ATP8B4: variants seen among roughly 807,000 people sequenced by gnomAD.
The protein encoded by ATP8B4 is ATPase phospholipid transporting 8B4 (putative).
Under a neutral mutation model 145.6 loss-of-function variants are expected in ATP8B4, and 133 were observed. That is an observed-to-expected ratio of 0.91 (90% CI 0.79 to 1.05). The LOEUF (loss-of-function observed/expected upper bound fraction) is 1.05, where lower values mean the gene tolerates loss of function less well. Ranked by LOEUF, ATP8B4 falls within the 50% of genes least tolerant of loss-of-function variation. The pLI, the probability that ATP8B4 is intolerant of heterozygous loss-of-function variation, is 0.00. For synonymous variants in ATP8B4, 507 were observed against 492.9 expected (o/e 1.03, Z -0.38); for missense variants, 1,458 against 1,425.2 (o/e 1.02, Z -0.37).
intron 1 of ATP8B4, among the ~76,000 whole-genome samples, chr15:50,155,693 A>G (rs2044401701): frequency 6.6e-6 from 1 of 152,150 alleles, no homozygotes. Context: ...AACGTAATGT[A>G]TGTACATATG....
chr15:50,080,725 G>A (rs1228650341), intron 2 of ATP8B4, among the ~76,000 whole-genome samples: 4 of 152,006 alleles, frequency 2.6e-5, no homozygotes, highest in African/African-American at 7.3e-5. Flanking sequence ...GAACCACCAT[G>A]TCTGGCCCCC....
At chr15:50,045,606 T>TA (rs1361614133) in intron 4 of ATP8B4, among the ~76,000 whole-genome samples, 3 of 152,222 alleles carry the variant, frequency 2.0e-5, no homozygotes, top group Non-Finnish European at 4.4e-5. Flanking sequence ...TAAGATTTTT[T>TA]AAAAAAAACT....
At position 50,038,818 on chromosome 15, in the gene ATP8B4, C is replaced by T; in HGVS notation, c.312G>A (p.Lys104=). ...GCCGATTATTCACTTGATTATCACT[C>T]TTGTGGCGAAACTGAAAAATCAAAG... The part of the protein sequence containing the change: ...KDATDDYFRH[K]SDNQVNNRQS... Residue 104 remains lysine, a synonymous_variant, in exon 6 of 28, where the codon AAG becomes AAA. Transcript: ENST00000284509. 6.2e-7 allele frequency: 1 copy of T among 1,613,566 alleles called. No homozygotes were observed.
chr15:50,100,333 T>C (rs2056275368), intron 2 of ATP8B4, among the ~76,000 whole-genome samples: 4 of 152,244 alleles, frequency 2.6e-5, no homozygotes, highest in Admixed American at 2.6e-4. Context: ...TGTGCCCCTC[T>C]GGCAAAGATA....
At chr15:49,900,096 C>T (rs755229430) in intron 21 of ATP8B4, among the ~76,000 whole-genome samples, 1 of 152,122 alleles carries the variant, frequency 6.6e-6, no homozygotes, top group African/African-American at 2.4e-5. Flanking sequence ...AGATGACAGT[C>T]GTAATTTTCA....
chr15:50,078,380 A>C (rs997690168), intron 2 of ATP8B4, among the ~76,000 whole-genome samples: 3 of 152,086 alleles, frequency 2.0e-5, no homozygotes, highest in Non-Finnish European at 2.9e-5. Flanking sequence ...GGCATCCATG[A>C]AACAAGAACA....
intron 1 of ATP8B4, among the ~76,000 whole-genome samples, chr15:50,109,546 G>A (rs972377854): frequency 4.6e-5 from 7 of 151,766 alleles, no homozygotes; most frequent in African/African-American, 1.7e-4. Context: ...GTCAGGGCTT[G>A]AAAATTCTCC....
intron 1 of ATP8B4, among the ~76,000 whole-genome samples, chr15:50,157,713 C>T (rs1024094360): frequency 5.4e-5 from 8 of 148,678 alleles, no homozygotes; most frequent in Non-Finnish European, 1.0e-4. Context: ...AGTATGGACC[C>T]TTTAACATAT....
At chr15:50,018,831 T>C (rs2049304367) in intron 6 of ATP8B4, 1 of 829,606 alleles carries the variant, frequency 1.2e-6, no homozygotes. Context: ...CAGGATTTAT[T>C]TATAATCATG....
chr15:50,131,883 T>C (rs1278900046), intron 1 of ATP8B4, among the ~76,000 whole-genome samples: 1 of 151,792 alleles, frequency 6.6e-6, no homozygotes, highest in Non-Finnish European at 1.5e-5. Context: ...ATCACGCAGC[T>C]ACTGCTCTTG....
intron 1 of ATP8B4, among the ~76,000 whole-genome samples, chr15:50,165,559 G>C (rs1427379856): frequency 6.6e-6 from 1 of 152,038 alleles, no homozygotes; most frequent in East Asian, 1.9e-4. Flanking sequence ...GTTTTTAAAG[G>C]ATCTAGTTGA....
chr15:49,876,028 A>G (rs1374750898), intron 25 of ATP8B4, among the ~76,000 whole-genome samples: 1 of 152,168 alleles, frequency 6.6e-6, no homozygotes, highest in East Asian at 1.9e-4. Context: ...TTTACATACA[A>G]TGCACAACCC....
intron 2 of ATP8B4, among the ~76,000 whole-genome samples, chr15:50,082,838 T>C (rs1244411593): frequency 6.6e-6 from 1 of 152,136 alleles, no homozygotes; most frequent in Non-Finnish European, 1.5e-5. Context: ...CTCAGAACAA[T>C]CCCATTAGGT....
chr15:49,878,693 C>G (rs1251093932), intron 24 of ATP8B4, among the ~76,000 whole-genome samples: 3 of 152,118 alleles, frequency 2.0e-5, no homozygotes, highest in Non-Finnish European at 4.4e-5. Context: ...TGTGATTGAT[C>G]CTCTCCTTTC....
chr15:50,129,009 A>C (rs113057192), intron 1 of ATP8B4, among the ~76,000 whole-genome samples: 375 of 152,328 alleles, frequency 2.5e-3, no homozygotes, highest in African/African-American at 8.4e-3. Context: ...TGGAGGTTGC[A>C]GTGAGCTGAG....
At chr15:50,178,204 C>G (rs1219850263) in intron 1 of ATP8B4, among the ~76,000 whole-genome samples, 1 of 152,054 alleles carries the variant, frequency 6.6e-6, no homozygotes, top group Non-Finnish European at 1.5e-5. Context: ...CAGGAAGGGA[C>G]CGAAATCTTG....
At position 49,915,033 on chromosome 15, in the gene ATP8B4, A is replaced by C. The variant is rs80217156; in HGVS notation, c.2141+1901T>G. On this transcript the variant is annotated intron_variant, in intron 20 of 27. Coordinates refer to ENST00000284509, the MANE Select transcript of ATP8B4 (RefSeq NM_024837.4). Reference sequence around the variant, plus strand: ...CATGTTTACTGTAGCACTACTCATAATATCAAATATATATGAAATCAACCC... The same window carrying C: ...CATGTTTACTGTAGCACTACTCATACTATCAAATATATATGAAATCAACCC... 6.7e-3 allele frequency among the ~76,000 whole-genome samples: 1,023 copies of C among 152,304 alleles called. 12 individuals are homozygous for C. Among genetic ancestry groups the C allele is most frequent in the Non-Finnish European group, 0.01 (685 of 67,984 alleles).
intron 1 of ATP8B4, among the ~76,000 whole-genome samples, chr15:50,161,721 T>C (rs1298287774): frequency 6.6e-6 from 1 of 152,170 alleles, no homozygotes; most frequent in East Asian, 1.9e-4. Context: ...TGCTATGTTT[T>C]GAAATCTTCT....
intron 3 of ATP8B4, among the ~76,000 whole-genome samples, chr15:50,048,201 C>T (rs549533312): frequency 1.1e-4 from 17 of 151,964 alleles, no homozygotes; most frequent in African/African-American, 4.1e-4. Flanking sequence ...GGAAAGGAAA[C>T]CTCTGGGAAG....
Sources: gnomAD v4.1 joint callset for allele counts (sites outside exome capture counted in the v4.1 genomes callset) on GRCh38, gnomAD v4.1.1 for gene constraint, MANE v1.5 for transcripts, NCBI Gene and HGNC (gene_info 2026-07-23, HGNC 2026-07-21) for gene names.